Variants in RPS6KA4 observed in about 807,000 individuals in gnomAD.
RPS6KA4 encodes the protein ribosomal protein S6 kinase A4.
Under a neutral mutation model 89.6 loss-of-function variants are expected in RPS6KA4, and 38 were observed. That is an observed-to-expected ratio of 0.42 (90% CI 0.33 to 0.56). RPS6KA4 has a LOEUF of 0.56. Ranked by LOEUF, RPS6KA4 falls within the 20% of genes least tolerant of loss-of-function variation. The probability of loss-of-function intolerance (pLI) is 0.07; values close to 1 mark genes in which losing one functional copy is unlikely to be tolerated. For missense variants in RPS6KA4, 873 were observed against 1,098.8 expected (o/e 0.79, Z 2.90); for synonymous variants, 495 against 492.8 (o/e 1.00, Z -0.06).
chr11:64,369,321 A>AAAT, intron 12 of RPS6KA4, 125 bp from the exon 13 acceptor site: 3 of 1,083,052 alleles, frequency 2.8e-6, no homozygotes, highest in Non-Finnish European at 3.8e-6. Flanking sequence ...AGAAAGAAAA[A>AAAT]GGACTTTGAG....
In RPS6KA4 at chr11:64,371,681, G is replaced by C; in HGVS notation, c.*201G>C. The C allele has an allele frequency of 2.0e-6, 1 of 491,480 alleles. No individual in the cohort carries two copies. The highest frequency in any genetic ancestry group is 3.6e-6 in the Non-Finnish European group (1 of 277,786). The allele number at this position is 491,480 out of a possible 1,614,324, so 30.4% of individuals were successfully genotyped here. On this transcript the variant is annotated 3_prime_UTR_variant, in exon 17 of 17. Transcript: ENST00000334205. ...TCTTACCAGATAGAGTTGCAGGGAA[G>C]GGGGGGCCTGCTGGGGAGTGGGGTT...
At position 64,369,513 on chromosome 11, in the gene RPS6KA4, G is replaced by C. The variant is rs1234553487; in HGVS notation, c.1496G>C (p.Arg499Pro). 2 of 1,610,020 alleles carry C rather than the reference G, an allele frequency of 1.2e-6. No homozygotes were observed. Among genetic ancestry groups the C allele is most frequent in the South Asian group, 1.1e-5 (1 of 90,756 alleles). Residue 499 changes from arginine to proline, a missense_variant, in exon 13 of 17, where the codon CGG becomes CCG. Around this residue, in one of 4 missense-constraint regions of RPS6KA4, gnomAD observed 542 missense variants for 736.4 expected, o/e 0.74. Transcript: ENST00000334205. The stretch of plus-strand genomic sequence containing the variant: ...CTGCTGGAGCACATCCGCAAGAAGC[G>C]GCACTTCAGCGAGTCGGAAGCAAGC... ...GELLEHIRKK[R>P]HFSESEASQI...
chr11:64,361,081 A>G lies in RPS6KA4; in HGVS notation c.463-53A>G. 1 of 1,497,006 alleles carries G rather than the reference A, an allele frequency of 6.7e-7. No homozygotes were observed. 92.7% of individuals were successfully genotyped at this position (1,497,006 alleles called of 1,614,324 possible). On this transcript the variant is annotated intron_variant, in intron 4 of 16. Transcript: ENST00000334205. This position sits in a 1 kb window ranked among gnomAD's most constrained non-coding sequence, Gnocchi z 4.7. ...CCTGAGCAGGGCCAGGAGCTGGAGGAGCTGGGGAGGGTTTCGGGGAGGAAG... is the reference window on the plus strand; with the variant it reads ...CCTGAGCAGGGCCAGGAGCTGGAGGGGCTGGGGAGGGTTTCGGGGAGGAAG...
Position 64,369,553 on chromosome 11 carries a change from C to T in RPS6KA4, c.1536C>T (p.Ser512=). ...SESEASQILR[S]LVSAVSFMHE... ...CGGAAGCAAGCCAGATCCTGCGCAG[C>T]CTCGTGTCGGCCGTGAGCTTCATGC... The change falls in exon 13 of 17, where the codon AGC becomes AGT. Residue 512 remains serine, a synonymous_variant. Coordinates refer to ENST00000334205, the MANE Select transcript of RPS6KA4 (RefSeq NM_003942.3). 4 of 1,607,826 alleles carry T rather than the reference C, an allele frequency of 2.5e-6. No homozygotes were observed. The highest frequency in any genetic ancestry group is 3.4e-6 in the Non-Finnish European group (4 of 1,177,742).
Position 64,368,060 on chromosome 11 carries a change from C to T in RPS6KA4, c.1072-72C>T, listed in dbSNP as rs2036930863. On this transcript the variant is annotated intron_variant, in intron 9 of 16. Coordinates refer to ENST00000334205, the MANE Select transcript of RPS6KA4 (RefSeq NM_003942.3). ...CCAGGGTCTTGCCTTTGCCTGGTTC[C>T]CCACCAGAGTCTCCTCACCCGCACC... 2.6e-6 allele frequency: 4 copies of T among 1,542,050 alleles called. No homozygotes were observed. The South Asian group carries it at 4.7e-5, about 18-fold the overall frequency.
Position 64,370,727 on chromosome 11 carries a change from G to A in RPS6KA4, c.2121+1G>A. The A allele has an allele frequency of 6.5e-7, 1 of 1,544,088 alleles. No individual in the cohort carries two copies. Among genetic ancestry groups the A allele is most frequent in the Non-Finnish European group, 8.7e-7 (1 of 1,147,170 alleles). On this transcript the variant is annotated splice_donor_variant, in intron 16 of 16. Coordinates refer to ENST00000334205, the MANE Select transcript of RPS6KA4 (RefSeq NM_003942.3). LOFTEE classifies it high-confidence loss of function. This position sits in a 1 kb window ranked among gnomAD's most constrained non-coding sequence, Gnocchi z 4.1. ...CTCGGGTCTCAACGCCACCTTCATG[G>A]TAAGGGGCAGGGTCTGTTGAAGGGA...
chr11:64,365,546 C>A, intron 9 of RPS6KA4, 81 bp downstream of exon 9: 1 of 1,487,844 alleles, frequency 6.7e-7, no homozygotes, highest in South Asian at 1.2e-5. Flanking sequence ...CCCGAGGACA[C>A]TGCCTAGGCC....
intron 16 of RPS6KA4, 22 bp from the exon 17 acceptor site, chr11:64,371,261 C>T: frequency 1.2e-6 from 2 of 1,610,584 alleles, no homozygotes; most frequent in Non-Finnish European, 1.7e-6. Flanking sequence ...GGTGGGGGCA[C>T]TCACCCTTTC....
chr11:64,360,467 C>A lies in RPS6KA4; in HGVS notation c.347-10C>A, dbSNP rs1284966718. Reference sequence around the variant, plus strand: ...CGGGGCTGCTTCCTGACTTCCACTGCACCTCCCAGACTATGTGAGCGGCGG... The same window carrying A: ...CGGGGCTGCTTCCTGACTTCCACTGAACCTCCCAGACTATGTGAGCGGCGG... On this transcript the variant is annotated splice_polypyrimidine_tract_variant and intron_variant, in intron 3 of 16. Transcript: ENST00000334205. The A allele has an allele frequency of 6.2e-7, 1 of 1,609,380 alleles. No individual in the cohort carries two copies. Among genetic ancestry groups the A allele is most frequent in the Admixed American group, 1.7e-5 (1 of 59,620 alleles).
In RPS6KA4 at chr11:64,361,190, C is replaced by G. The variant is rs2036737047; in HGVS notation, c.519C>G (p.Gly173=). Reference sequence around the variant, plus strand: ...AGAATGTGCTGCTGGACTCCGAGGGCCACATTGTCCTCACGGACTTCGGGC... The same window carrying G: ...AGAATGTGCTGCTGGACTCCGAGGGGCACATTGTCCTCACGGACTTCGGGC... ...KLENVLLDSE[G]HIVLTDFGLS... The change falls in exon 5 of 17, where the codon GGC becomes GGG. Residue 173 remains glycine (G), a synonymous_variant. Transcript: ENST00000334205. The surrounding 1 kb of genome is among the most constrained non-coding windows in gnomAD (Gnocchi z 4.7). The G allele has an allele frequency of 6.2e-7, 1 of 1,613,432 alleles. No homozygotes were observed. The highest frequency in any genetic ancestry group is 8.5e-7 in the Non-Finnish European group (1 of 1,179,986).
At chr11:64,369,277 C>T (rs2036983094) in intron 12 of RPS6KA4, among the ~76,000 whole-genome samples, 169 bp from the exon 13 acceptor site, 1 of 147,938 alleles carries the variant, frequency 6.8e-6, no homozygotes, top group African/African-American at 2.5e-5. Flanking sequence ...GGCGACAAAG[C>T]GAGACTGTCT....
At chr11:64,365,100 G>A (rs752739980) in intron 8 of RPS6KA4, among the ~76,000 whole-genome samples, 7 of 152,052 alleles carry the variant, frequency 4.6e-5, no homozygotes, top group Non-Finnish European at 8.8e-5. Flanking sequence ...TAAGTGTGGT[G>A]TCATGGTGGT....
intron 12 of RPS6KA4, 70 bp downstream of exon 12, chr11:64,368,867 C>G: frequency 7.3e-7 from 1 of 1,362,710 alleles, no homozygotes; most frequent in Non-Finnish European, 1.0e-6. Context: ...GCACTATGGG[C>G]GGGATCTAGG....
chr11:64,369,728 G>A lies in RPS6KA4; in HGVS notation c.1632G>A (p.Gly544=). ...ENILYADDTP[G]APVKIIDFGF... ...TCCTGTACGCCGACGACACGCCCGG[G>A]GCCCCGGTGAAAATCATCGACTTCG... Residue 544 remains glycine, a synonymous_variant, in exon 14 of 17, where the codon GGG becomes GGA. Transcript: ENST00000334205. The A allele has an allele frequency of 6.2e-7, 1 of 1,611,020 alleles. No individual in the cohort carries two copies.
intron 8 of RPS6KA4, among the ~76,000 whole-genome samples, chr11:64,363,690 C>G (rs547810580): frequency 1.3e-5 from 2 of 152,164 alleles, no homozygotes; most frequent in African/African-American, 2.4e-5. Flanking sequence ...CAGGGATTCA[C>G]CATGTTGGCC....
intron 2 of RPS6KA4, chr11:64,359,879 G>T (rs2036694592): frequency 1.1e-5 from 6 of 556,496 alleles, no homozygotes; most frequent in East Asian, 3.0e-5. Context: ...CTGATCTCTC[G>T]CAGGTTTGCA....
chr11:64,365,354 C>T lies in RPS6KA4; in HGVS notation c.960C>T (p.Pro320=). The change falls in exon 9 of 17, where the codon CCC becomes CCT. Residue 320 remains proline (P), a synonymous_variant. Transcript: ENST00000334205. ...AARKIPAPFR[P]QIRSELDVGN... The stretch of plus-strand genomic sequence containing the variant: ...GGAAGATTCCAGCCCCATTCCGGCC[C>T]CAAATCCGCTCAGAGCTGGATGTGG... 1 of 1,614,096 alleles carries T rather than the reference C, an allele frequency of 6.2e-7. No homozygotes were observed.
At position 64,361,641 on chromosome 11, in the gene RPS6KA4, G is replaced by A; in HGVS notation, c.652-1G>A. The A allele has an allele frequency of 6.2e-7, 1 of 1,613,370 alleles. No individual in the cohort carries two copies. The highest frequency in any genetic ancestry group is 8.5e-7 in the Non-Finnish European group (1 of 1,179,950). ...GCCCTCACCCCGGCTCCACCCGGCA[G>A]GCTGTGGACTGGTGGAGCCTGGGCA... On this transcript the variant is annotated splice_acceptor_variant, in intron 6 of 16. Transcript: ENST00000334205. LOFTEE classifies it high-confidence loss of function. The surrounding 1 kb of genome is among the most constrained non-coding windows in gnomAD (Gnocchi z 4.7).
rs199735102 is a variant in RPS6KA4 at position 64,361,438 on chromosome 11, G to C, written c.571-31G>C. 3 of 1,612,458 alleles carry C rather than the reference G, an allele frequency of 1.9e-6. No individual in the cohort carries two copies. The highest frequency in any genetic ancestry group is 1.7e-5 in the Admixed American group (1 of 59,956). On this transcript the variant is annotated intron_variant, in intron 5 of 16. Coordinates refer to ENST00000334205, the MANE Select transcript of RPS6KA4 (RefSeq NM_003942.3). The surrounding 1 kb of genome is among the most constrained non-coding windows in gnomAD (Gnocchi z 4.7). ...GGCACTGGGGCACAGGAGAGGTTTCGACATCTAAGCAGGACCTCTTGCCCT... is the reference window on the plus strand; with the variant it reads ...GGCACTGGGGCACAGGAGAGGTTTCCACATCTAAGCAGGACCTCTTGCCCT...
Sources: allele counts gnomAD v4.1 joint callset (sites outside exome capture counted in the v4.1 genomes callset), GRCh38; gene constraint gnomAD v4.1.1; regional missense constraint gnomAD v4.1.1; non-coding constraint Gnocchi (gnomAD v3.1); transcripts MANE v1.5; gene names NCBI Gene and HGNC (gene_info 2026-07-23, HGNC 2026-07-21).